TSPAN9: variants seen among roughly 807,000 people sequenced by gnomAD.
TSPAN9 encodes tetraspanin-9.
In TSPAN9, 16 loss-of-function variants were observed where a neutral mutation model predicts 31.0. That is an observed-to-expected ratio of 0.52 (90% CI 0.35 to 0.78). TSPAN9 has a LOEUF of 0.78. TSPAN9 is among the 30% of genes least tolerant of loss of function. The pLI, the probability that TSPAN9 is intolerant of heterozygous loss-of-function variation, is 0.01. For missense variants in TSPAN9, 272 were observed against 312.5 expected, an observed-to-expected ratio of 0.87 and a Z score of 0.98; for synonymous variants, 145 against 121.6, an observed-to-expected ratio of 1.19 and a Z score of -1.27.
intron 2 of TSPAN9, among the ~76,000 whole-genome samples, chr12:3,114,594 G>A (rs180926526): frequency 2.0e-5 from 3 of 152,222 alleles, no homozygotes; most frequent in Admixed American, 6.5e-5. Flanking sequence ...CTCACACCCA[G>A]CACTTTGGGA....
Position 3,170,650 on chromosome 12 carries a change from A to G in TSPAN9, c.-17-30527A>G, listed in dbSNP as rs1234994251. Reference sequence around the variant, plus strand: ...GTCATGCATGTGGCTTCTCCTGGCCACAGAGCACCTTATCTGTAGAATGAG... The same window carrying G: ...GTCATGCATGTGGCTTCTCCTGGCCGCAGAGCACCTTATCTGTAGAATGAG... On this transcript the variant is annotated intron_variant, in intron 2 of 8. Coordinates refer to ENST00000011898, the MANE Select transcript of TSPAN9 (RefSeq NM_006675.5). The surrounding 1 kb of genome is among the most constrained non-coding windows in gnomAD (Gnocchi z 4.4). 6.6e-6 allele frequency among the ~76,000 whole-genome samples: 1 copy of G among 152,120 alleles called. No homozygotes were observed. Among genetic ancestry groups the G allele is most frequent in the Non-Finnish European group, 1.5e-5 (1 of 68,020 alleles).
At chr12:3,118,050 C>A (rs1159778193) in intron 2 of TSPAN9, among the ~76,000 whole-genome samples, 2 of 147,556 alleles carry the variant, frequency 1.4e-5, no homozygotes, top group African/African-American at 5.0e-5. Context: ...AGTTATGTGA[C>A]ATGGGAAGCT....
At chr12:3,183,725 C>T (rs184595049) in intron 2 of TSPAN9, among the ~76,000 whole-genome samples, 8 of 152,248 alleles carry the variant, frequency 5.3e-5, no homozygotes, top group Non-Finnish European at 1.0e-4. Flanking sequence ...CTGGGACCCA[C>T]GCTTGGAGAA....
chr12:3,179,169 C>G (rs1156715996), intron 2 of TSPAN9, among the ~76,000 whole-genome samples: 1 of 152,148 alleles, frequency 6.6e-6, no homozygotes, highest in Admixed American at 6.5e-5. Context: ...CAACCCCACA[C>G]TCATCATCCT....
chr12:3,090,949 GT>G (rs1232035310), intron 2 of TSPAN9, among the ~76,000 whole-genome samples: 5 of 152,264 alleles, frequency 3.3e-5, no homozygotes, highest in African/African-American at 1.2e-4. Context: ...GAGTCAGTGT[GT>G]TGTGTGTGTG....
intron 3 of TSPAN9, among the ~76,000 whole-genome samples, chr12:3,239,104 G>A (rs1290008362): frequency 6.6e-6 from 1 of 152,196 alleles, no homozygotes; most frequent in Non-Finnish European, 1.5e-5. Context: ...CTGGGAGGAA[G>A]AGAGCAAGTG....
chr12:3,201,787 G>C (rs1591673927), intron 3 of TSPAN9, among the ~76,000 whole-genome samples: 1 of 152,244 alleles, frequency 6.6e-6, no homozygotes, highest in African/African-American at 2.4e-5. Context: ...CTAGGAAAAA[G>C]AGGAGGAGCC....
intron 1 of TSPAN9, among the ~76,000 whole-genome samples, chr12:3,082,514 G>A (rs1192710518): frequency 6.6e-6 from 1 of 152,198 alleles, no homozygotes; most frequent in Non-Finnish European, 1.5e-5. Context: ...CATCAACCTT[G>A]GGAGGCCCTG....
intron 3 of TSPAN9, among the ~76,000 whole-genome samples, chr12:3,266,079 C>T (rs534576009): frequency 3.1e-4 from 47 of 152,302 alleles, no homozygotes; most frequent in South Asian, 8.3e-4. Context: ...CCGTCCTCCT[C>T]GGCTACAAGG....
intron 2 of TSPAN9, among the ~76,000 whole-genome samples, chr12:3,108,075 C>CT (rs60467917): frequency 0.042 from 6,382 of 152,232 alleles, 456 homozygotes; most frequent in African/African-American, 0.15. Flanking sequence ...GGTGGAGTGC[C>CT]TTTCTTGTGT....
chr12:3,228,329 C>T (rs886872336), intron 3 of TSPAN9, among the ~76,000 whole-genome samples: 13 of 152,146 alleles, frequency 8.5e-5, no homozygotes, highest in East Asian at 1.9e-4. Flanking sequence ...TGCACCACTG[C>T]GCTCCAGCCT....
rs1293304826 is a variant in TSPAN9 at position 3,285,858 on chromosome 12, G to T, written c.*2742G>T. 2.0e-5 allele frequency: 3 copies of T among 152,340 alleles called. No individual in the cohort carries two copies. Among genetic ancestry groups the T allele is most frequent in the Admixed American group, 6.5e-5 (1 of 15,292 alleles). 9.4% of individuals were successfully genotyped at this position (152,340 alleles called of 1,614,324 possible). ...TCTCTGCAGCCATCCTGCAGTGGGG[G>T]TGAGCGGGCACAGGCTGAGAACTGC... On this transcript the variant is annotated 3_prime_UTR_variant, in exon 9 of 9. Coordinates refer to ENST00000011898, the MANE Select transcript of TSPAN9 (RefSeq NM_006675.5).
chr12:3,281,076 T>G, intron 6 of TSPAN9, 122 bp from the exon 7 acceptor site: 1 of 1,468,166 alleles, frequency 6.8e-7, no homozygotes, highest in South Asian at 1.3e-5. Flanking sequence ...CTTTGTCTCC[T>G]CCCTTAACTG....
intron 3 of TSPAN9, among the ~76,000 whole-genome samples, chr12:3,210,112 C>T (rs2098377767): frequency 7.2e-6 from 1 of 139,064 alleles, no homozygotes; most frequent in Admixed American, 7.6e-5. Flanking sequence ...CCAGCCTGGG[C>T]AACAGAGCAA....
At chr12:3,251,479 T>TCTTTTTTCAAACG (rs1862243547) in intron 3 of TSPAN9, among the ~76,000 whole-genome samples, 1 of 152,132 alleles carries the variant, frequency 6.6e-6, no homozygotes, top group African/African-American at 2.4e-5. Flanking sequence ...CAAAAGTTGA[T>TCTTTTTTCAAACG]TTCTGATTAT....
At chr12:3,095,652 G>C (rs1187627960) in intron 2 of TSPAN9, among the ~76,000 whole-genome samples, 9 of 140,548 alleles carry the variant, frequency 6.4e-5, no homozygotes, top group African/African-American at 2.1e-4. Context: ...CCTCCCTCCC[G>C]GACGGGGCGG....
At chr12:3,238,721 A>C (rs1591698205) in intron 3 of TSPAN9, among the ~76,000 whole-genome samples, 1 of 152,110 alleles carries the variant, frequency 6.6e-6, no homozygotes, top group African/African-American at 2.4e-5. Context: ...CCTGGTCCCT[A>C]CTGGGGCAGC....
chr12:3,179,694 C>A (rs1325474551), intron 2 of TSPAN9, among the ~76,000 whole-genome samples: 1 of 152,160 alleles, frequency 6.6e-6, no homozygotes, highest in African/African-American at 2.4e-5. Context: ...TTTGTTTCAG[C>A]AATCAAGTGA....
chr12:3,079,743 T>C (rs565092546), intron 1 of TSPAN9, among the ~76,000 whole-genome samples: 3 of 151,654 alleles, frequency 2.0e-5, no homozygotes, highest in Non-Finnish European at 2.9e-5. Flanking sequence ...ATTACAGGCA[T>C]GAACCACCGT....
Sources: allele counts gnomAD v4.1 joint callset (sites outside exome capture counted in the v4.1 genomes callset), GRCh38; gene constraint gnomAD v4.1.1; non-coding constraint Gnocchi (gnomAD v3.1); transcripts MANE v1.5; gene names NCBI Gene and HGNC (gene_info 2026-07-23, HGNC 2026-07-21).